The following INPP4B variants were observed in gnomAD, a reference collection of about 807,000 sequenced individuals.
INPP4B encodes inositol polyphosphate 4-phosphatase type II.
A neutral mutation model predicts 122.5 loss-of-function variants in INPP4B; 55 were observed. The observed-to-expected ratio is 0.45, with a 90% CI of 0.36 to 0.56. The LOEUF is 0.56. Ranked by LOEUF, INPP4B falls within the 20% of genes least tolerant of loss-of-function variation. The pLI is 0.00. For missense variants in INPP4B, 1,000 were observed against 1,097.7 expected, an observed-to-expected ratio of 0.91 and a Z score of 1.26; for synonymous variants, 403 against 388.7, an observed-to-expected ratio of 1.04 and a Z score of -0.43.
intron 7 of INPP4B, among the ~76,000 whole-genome samples, chr4:142,391,451 A>G (rs905219540): frequency 4.6e-5 from 7 of 152,214 alleles, no homozygotes; most frequent in African/African-American, 1.2e-4. Context: ...AATCCCAGTT[A>G]CTTGGGAGTC....
intron 7 of INPP4B, among the ~76,000 whole-genome samples, chr4:142,370,816 G>A (rs2148697527): frequency 6.6e-6 from 1 of 152,114 alleles, no homozygotes; most frequent in East Asian, 1.9e-4. Flanking sequence ...AACAACCCAT[G>A]CTCATGGATC....
At chr4:142,244,067 C>G (rs989946053) in intron 11 of INPP4B, among the ~76,000 whole-genome samples, 22 of 151,888 alleles carry the variant, frequency 1.4e-4, no homozygotes, top group African/African-American at 4.6e-4. Flanking sequence ...CCCTAGCCCC[C>G]CACCCCCTGA....
At chr4:142,484,019 T>C (rs1820913016) in intron 2 of INPP4B, among the ~76,000 whole-genome samples, 1 of 152,068 alleles carries the variant, frequency 6.6e-6, no homozygotes, top group Non-Finnish European at 1.5e-5. Flanking sequence ...GGATATCATG[T>C]ACACTTCATA....
intron 1 of INPP4B, among the ~76,000 whole-genome samples, chr4:142,805,813 T>C (rs564445751): frequency 6.6e-6 from 1 of 152,310 alleles, no homozygotes; most frequent in East Asian, 1.9e-4. Context: ...TGTTCAATAG[T>C]AGGCTATTAG....
intron 7 of INPP4B, among the ~76,000 whole-genome samples, chr4:142,326,214 C>T (rs1772304271): frequency 6.6e-6 from 1 of 152,158 alleles, no homozygotes; most frequent in South Asian, 2.1e-4. Context: ...CAAGTCCGGT[C>T]CTGTGGACTT....
chr4:142,092,425 G>A (rs1037650195), intron 23 of INPP4B, among the ~76,000 whole-genome samples: 1 of 152,028 alleles, frequency 6.6e-6, no homozygotes, highest in African/African-American at 2.4e-5. Context: ...CAAGTAGCTG[G>A]GATTACAGGC....
chr4:142,267,600 C>A (rs889559371), intron 10 of INPP4B, among the ~76,000 whole-genome samples: 3 of 152,058 alleles, frequency 2.0e-5, no homozygotes, highest in African/African-American at 7.2e-5. Flanking sequence ...AAAATAAGCC[C>A]TAAAACTATA....
At chr4:142,634,773 T>C in intron 2 of INPP4B, among the ~76,000 whole-genome samples, 1 of 152,166 alleles carries the variant, frequency 6.6e-6, no homozygotes, top group South Asian at 2.1e-4. Flanking sequence ...ATACAACCAC[T>C]ATTACCATTT....
intron 22 of INPP4B, among the ~76,000 whole-genome samples, chr4:142,111,745 T>G: frequency 6.6e-6 from 1 of 152,030 alleles, no homozygotes; most frequent in Admixed American, 6.6e-5. Context: ...AAGAGATTTT[T>G]TTTTATTTCT....
intron 2 of INPP4B, among the ~76,000 whole-genome samples, chr4:142,672,327 A>G (rs552356248): frequency 2.2e-4 from 33 of 152,292 alleles, no homozygotes; most frequent in African/African-American, 6.7e-4. Context: ...CTGTGTTTGA[A>G]AGTGGCTCTT....
chr4:142,712,179 C>G (rs1002790673), intron 2 of INPP4B, among the ~76,000 whole-genome samples: 1 of 152,194 alleles, frequency 6.6e-6, no homozygotes, highest in Non-Finnish European at 1.5e-5. Flanking sequence ...GTGCCTTGAT[C>G]TTGGACTTCC....
intron 1 of INPP4B, among the ~76,000 whole-genome samples, chr4:142,741,199 T>C (rs2150918623): frequency 6.6e-6 from 1 of 152,110 alleles, no homozygotes; most frequent in Non-Finnish European, 1.5e-5. Context: ...AGAAAAGAGA[T>C]TTAATTAGCT....
chr4:142,035,689 G>T (rs1212675022), intron 25 of INPP4B, among the ~76,000 whole-genome samples: 1 of 152,178 alleles, frequency 6.6e-6, no homozygotes, highest in Non-Finnish European at 1.5e-5. Flanking sequence ...TCATAATTAT[G>T]TCACAGCAAT....
chr4:142,631,247 A>T (rs1290857790), intron 2 of INPP4B, among the ~76,000 whole-genome samples: 2 of 152,126 alleles, frequency 1.3e-5, no homozygotes, highest in Admixed American at 1.3e-4. Context: ...GTGGAGCCAT[A>T]AGAAATGGTG....
chr4:142,796,612 G>C (rs1777269492), intron 1 of INPP4B, among the ~76,000 whole-genome samples: 2 of 151,860 alleles, frequency 1.3e-5, no homozygotes, highest in African/African-American at 4.8e-5. Context: ...AGAGCCACCA[G>C]CAGCTTAACA....
At chr4:142,175,045 C>G (rs772823659) in intron 15 of INPP4B, among the ~76,000 whole-genome samples, 9 of 152,064 alleles carry the variant, frequency 5.9e-5, no homozygotes, top group Non-Finnish European at 1.2e-4. Context: ...AGCTGCAAAA[C>G]AGCAAAACAG....
At chr4:142,603,558 A>T (rs1015059406) in intron 2 of INPP4B, among the ~76,000 whole-genome samples, 18 of 152,084 alleles carry the variant, frequency 1.2e-4, no homozygotes, top group African/African-American at 4.3e-4. Flanking sequence ...AAATGAAAAA[A>T]AGATCATCAG....
chr4:142,673,083 G>A (rs2150641188), intron 2 of INPP4B, among the ~76,000 whole-genome samples: 1 of 152,114 alleles, frequency 6.6e-6, no homozygotes, highest in African/African-American at 2.4e-5. Context: ...ATCTTTTCTA[G>A]CCACTTATAT....
chr4:142,233,439 G>A (rs1855314549), intron 12 of INPP4B, among the ~76,000 whole-genome samples: 1 of 152,064 alleles, frequency 6.6e-6, no homozygotes, highest in Admixed American at 6.5e-5. Flanking sequence ...CTGTCTTTAT[G>A]GAGAAAAAAC....
Sources: gnomAD v4.1 joint callset for allele counts (sites outside exome capture counted in the v4.1 genomes callset) on GRCh38, gnomAD v4.1.1 for gene constraint, MANE v1.5 for transcripts, NCBI Gene and HGNC (gene_info 2026-07-23, HGNC 2026-07-21) for gene names.